Variants in PRICKLE1 observed in about 807,000 individuals in gnomAD.
The protein encoded by PRICKLE1 is prickle planar cell polarity protein 1.
A neutral mutation model predicts 70.2 loss-of-function variants in PRICKLE1; 14 were observed. That is an observed-to-expected ratio of 0.20 (90% CI 0.13 to 0.31). PRICKLE1 has a LOEUF of 0.31. PRICKLE1 is among the 10% of genes least tolerant of loss of function. PRICKLE1 has a pLI of 1.00. For synonymous variants in PRICKLE1, 357 were observed against 379.9 expected, an observed-to-expected ratio of 0.94 and a Z score of 0.70; for missense variants, 821 against 1,026.2, an observed-to-expected ratio of 0.80 and a Z score of 2.73.
intron 1 of PRICKLE1, among the ~76,000 whole-genome samples, chr12:42,559,458 A>G (rs1161142466): frequency 6.6e-6 from 1 of 151,464 alleles, no homozygotes; most frequent in Non-Finnish European, 1.5e-5. Context: ...ATAGATCACT[A>G]TAGCATCAGA....
At chr12:42,553,541 G>A (rs1252386891) in intron 1 of PRICKLE1, among the ~76,000 whole-genome samples, 3 of 144,704 alleles carry the variant, frequency 2.1e-5, no homozygotes, top group Non-Finnish European at 3.1e-5. Context: ...GTGGGGCGGG[G>A]GGGGTCTGAG....
intron 1 of PRICKLE1, among the ~76,000 whole-genome samples, chr12:42,526,753 C>CA (rs55654226): frequency 0.014 from 1,965 of 137,880 alleles, 30 homozygotes; most frequent in East Asian, 0.065. Context: ...TCCTCTAAGC[C>CA]AAAAAAAAAA....
intron 1 of PRICKLE1, among the ~76,000 whole-genome samples, chr12:42,540,916 TTG>T (rs970151462): frequency 1.3e-5 from 2 of 152,152 alleles, no homozygotes; most frequent in African/African-American, 4.8e-5. Context: ...TCCTCTCACT[TTG>T]TGGTTGTATT....
intron 1 of PRICKLE1, among the ~76,000 whole-genome samples, chr12:42,525,440 A>T (rs1405853598): frequency 6.6e-6 from 1 of 152,248 alleles, no homozygotes; most frequent in Non-Finnish European, 1.5e-5. Flanking sequence ...AAGCACAGGT[A>T]AAACAACTTG....
At chr12:42,478,427 G>A (rs180753223) in intron 1 of PRICKLE1, among the ~76,000 whole-genome samples, 281 of 152,282 alleles carry the variant, frequency 1.8e-3, no homozygotes, top group Middle Eastern at 0.01. Flanking sequence ...TTTCAGAGAT[G>A]GGTTTGTTCA....
Position 42,459,044 on chromosome 12 carries a change from C to A in PRICKLE1, c.*765G>T, listed in dbSNP as rs1020562794. The A allele has an allele frequency of 4.9e-6, 2 of 404,454 alleles. No individual in the cohort carries two copies. The highest frequency in any genetic ancestry group is 8.9e-6 in the Non-Finnish European group (2 of 224,792). 25.1% of individuals were successfully genotyped at this position (404,454 alleles called of 1,614,324 possible). A position where few individuals can be genotyped will look rare whatever the true frequency, so the allele number is the denominator to read the frequency against. On this transcript the variant is annotated 3_prime_UTR_variant, in exon 8 of 8. Transcript: ENST00000345127. ...AATTTGACCATCTACATTTATAAAC[C>A]CTGACTAAAATATAAGCAATCAGTT...
At chr12:42,478,486 C>A (rs1938659840) in intron 1 of PRICKLE1, among the ~76,000 whole-genome samples, 1 of 152,106 alleles carries the variant, frequency 6.6e-6, no homozygotes, top group Non-Finnish European at 1.5e-5. Flanking sequence ...GGCACAAAAC[C>A]TTTTAACAGC....
At chr12:42,508,302 C>T (rs1939453969) in intron 1 of PRICKLE1, among the ~76,000 whole-genome samples, 1 of 152,142 alleles carries the variant, frequency 6.6e-6, no homozygotes, top group Non-Finnish European at 1.5e-5. Flanking sequence ...CACAACATCC[C>T]TTCCTATTAG....
intron 1 of PRICKLE1, among the ~76,000 whole-genome samples, chr12:42,560,912 C>A (rs1592029939): frequency 2.0e-5 from 3 of 152,128 alleles, no homozygotes; most frequent in South Asian, 4.2e-4. Flanking sequence ...AGAGTCCTAT[C>A]CTCAAAAAGA....
chr12:42,567,585 T>G (rs1447001995), intron 1 of PRICKLE1, among the ~76,000 whole-genome samples: 1 of 152,178 alleles, frequency 6.6e-6, no homozygotes, highest in Non-Finnish European at 1.5e-5. Context: ...CCCAACACTC[T>G]GGGAGGCTGA....
intron 1 of PRICKLE1, among the ~76,000 whole-genome samples, chr12:42,531,079 C>T (rs1323287127): frequency 7.3e-6 from 1 of 137,310 alleles, no homozygotes; most frequent in Non-Finnish European, 1.5e-5. Flanking sequence ...CGGAGTCTCG[C>T]TCTGTCTCCC....
At chr12:42,576,425 G>GGCGA (rs906567978) in intron 1 of PRICKLE1, among the ~76,000 whole-genome samples, 25 of 152,220 alleles carry the variant, frequency 1.6e-4, no homozygotes, top group African/African-American at 5.8e-4. Context: ...CAGACCAAGG[G>GGCGA]GCATATTCGA....
intron 1 of PRICKLE1, among the ~76,000 whole-genome samples, chr12:42,512,337 A>AT (rs34419982): frequency 0.35 from 52,448 of 151,520 alleles, 10,895 homozygotes; most frequent in East Asian, 0.51. Context: ...TGCCCAGCTA[A>AT]TTTTTTTTGT....
chr12:42,530,707 CAG>C (rs1229328042), intron 1 of PRICKLE1, among the ~76,000 whole-genome samples: 1 of 76,160 alleles, frequency 1.3e-5, no homozygotes, highest in Non-Finnish European at 2.3e-5. Flanking sequence ...TTTTTTTGAG[CAG>C]AGTCTCACTG....
intron 1 of PRICKLE1, among the ~76,000 whole-genome samples, chr12:42,515,195 T>C (rs913778579): frequency 1.3e-5 from 2 of 151,858 alleles, no homozygotes; most frequent in Admixed American, 6.6e-5. Flanking sequence ...GCTGGGATTA[T>C]AGGCATAGGC....
Position 42,458,415 on chromosome 12 carries a change from C to T in PRICKLE1, c.*1394G>A, listed in dbSNP as rs1051453. ...CTAAAGGTCCTGGATGCCACTAGAACCTTTAGTTAGGACTGAGATGTATAT... is the reference window on the plus strand; with the variant it reads ...CTAAAGGTCCTGGATGCCACTAGAATCTTTAGTTAGGACTGAGATGTATAT... On this transcript the variant is annotated 3_prime_UTR_variant, in exon 8 of 8. Coordinates refer to ENST00000345127, the MANE Select transcript of PRICKLE1 (RefSeq NM_153026.3). 52,335 of 152,066 alleles carry T rather than the reference C, an allele frequency of 0.34. 9,721 individuals carry two copies. Among genetic ancestry groups the T allele is most frequent in the South Asian group, 0.48 (2,293 of 4,824 alleles). The allele number at this position is 152,066 out of a possible 1,614,324, so 9.4% of individuals were successfully genotyped here. A position where few individuals can be genotyped will look rare whatever the true frequency, so the allele number is the denominator to read the frequency against.
intron 1 of PRICKLE1, among the ~76,000 whole-genome samples, chr12:42,496,803 AAG>A (rs1939209294): frequency 6.6e-6 from 1 of 152,108 alleles, no homozygotes; most frequent in South Asian, 2.1e-4. Context: ...TGTAGAATGG[AAG>A]AGAGTTAGGG....
At chr12:42,540,298 G>A (rs899651607) in intron 1 of PRICKLE1, among the ~76,000 whole-genome samples, 1 of 152,090 alleles carries the variant, frequency 6.6e-6, no homozygotes, top group Admixed American at 6.6e-5. Flanking sequence ...TAAGAGTTTG[G>A]GTCTGAAGTT....
chr12:42,536,885 A>G (rs1262667530), intron 1 of PRICKLE1, among the ~76,000 whole-genome samples: 1 of 152,176 alleles, frequency 6.6e-6, no homozygotes, highest in African/African-American at 2.4e-5. Context: ...TCATGTTCAT[A>G]TAATGGCAAA....
Sources: allele counts gnomAD v4.1 joint callset (sites outside exome capture counted in the v4.1 genomes callset), GRCh38; gene constraint gnomAD v4.1.1; transcripts MANE v1.5; gene names NCBI Gene and HGNC (gene_info 2026-07-23, HGNC 2026-07-21).